ASS1: variants seen among roughly 807,000 people sequenced by gnomAD.
ASS1 encodes the protein argininosuccinate synthase.
A neutral mutation model predicts 60.5 loss-of-function variants in ASS1; 58 were observed. That is an observed-to-expected ratio of 0.96 (90% CI 0.78 to 1.19). The LOEUF (loss-of-function observed/expected upper bound fraction) is 1.19. Among genes scored for constraint, ASS1 ranks in the 50% most tolerant of loss-of-function variants. ASS1 has a pLI of 0.00. For missense variants in ASS1, 454 were observed against 547.3 expected (o/e 0.83, Z 1.70); for synonymous variants, 200 against 206.9 (o/e 0.97, Z 0.29).
intron 5 of ASS1, among the ~76,000 whole-genome samples, chr9:130,465,903 G>A (rs1305708345): frequency 6.6e-6 from 1 of 152,178 alleles, no homozygotes; most frequent in African/African-American, 2.4e-5. Context: ...GGGCCAGGGT[G>A]TCCAGTTTCG....
chr9:130,479,722 C>T lies in ASS1; in HGVS notation c.695C>T (p.Pro232Leu), dbSNP rs1564155839. 6.2e-7 allele frequency: 1 copy of T among 1,614,002 alleles called. No individual in the cohort carries two copies. The highest frequency in any genetic ancestry group is 8.5e-7 in the Non-Finnish European group (1 of 1,179,872). The change falls in exon 10 of 15, where the codon CCT (proline) becomes CTT (leucine). Residue 232 changes from proline (P) to leucine (L), a missense_variant. Physicochemically the swap from Pro to Leu is moderately conservative, Grantham distance 98. Transcript: ENST00000352480. ...CCCTCTCTTCCCACCCTAGGGGTCC[C>T]TGTGAAGGTGACCAACGTCAAGGAT... is the stretch of plus-strand genomic sequence containing the variant. Reference protein sequence around the residue: ...ILEIEFKKGVPVKVTNVKDGT... With the variant: ...ILEIEFKKGVLVKVTNVKDGT...
chr9:130,467,064 C>CTCA (rs957401284), intron 6 of ASS1, among the ~76,000 whole-genome samples: 51 of 152,186 alleles, frequency 3.4e-4, no homozygotes, highest in African/African-American at 1.2e-3. Context: ...GGACACAGGG[C>CTCA]TCACTCTCTC....
chr9:130,455,294 C>T (rs1346041409), intron 3 of ASS1, among the ~76,000 whole-genome samples: 1 of 151,900 alleles, frequency 6.6e-6, no homozygotes. Context: ...TTCACCCATC[C>T]ATCCCTTCAT....
intron 4 of ASS1, 139 bp from the exon 5 acceptor site, chr9:130,463,972 C>T (rs1007257903): frequency 1.1e-6 from 1 of 873,004 alleles, no homozygotes; most frequent in Non-Finnish European, 1.9e-6. Flanking sequence ...CATACACGAC[C>T]TACACTGCAT....
chr9:130,479,026 A>G (rs1846093651), intron 9 of ASS1, among the ~76,000 whole-genome samples: 1 of 152,126 alleles, frequency 6.6e-6, no homozygotes, highest in South Asian at 2.1e-4. Context: ...GTTAGCCCCA[A>G]TACATTTATT....
At chr9:130,466,409 A>G in intron 5 of ASS1, 1 of 450,026 alleles carries the variant, frequency 2.2e-6, no homozygotes, top group South Asian at 2.1e-5. Context: ...GGCAAGGACC[A>G]TGAACCCCGT....
intron 14 of ASS1, 46 bp from the exon 15 acceptor site, chr9:130,500,930 G>T: frequency 6.3e-7 from 1 of 1,592,914 alleles, no homozygotes. Context: ...AGTGTGTGTT[G>T]TTATTGTTAA....
chr9:130,493,834 T>A (rs1846515750), intron 12 of ASS1, among the ~76,000 whole-genome samples: 1 of 152,176 alleles, frequency 6.6e-6, no homozygotes, highest in South Asian at 2.1e-4. Context: ...GACTGGGGTC[T>A]GAGCGCTACC....
intron 5 of ASS1, chr9:130,466,511 G>A (rs1845746819): frequency 1.6e-6 from 1 of 615,452 alleles, no homozygotes; most frequent in East Asian, 2.8e-5. Context: ...TTCTGCCATG[G>A]AGTGCAGGCT....
chr9:130,497,423 G>A (rs1846632302), intron 13 of ASS1, among the ~76,000 whole-genome samples: 1 of 151,766 alleles, frequency 6.6e-6, no homozygotes, highest in Non-Finnish European at 1.5e-5. Context: ...TTATAGAGCA[G>A]GTCAGAGCCA....
intron 1 of ASS1, among the ~76,000 whole-genome samples, chr9:130,447,193 C>T (rs937668624): frequency 2.0e-5 from 3 of 152,152 alleles, no homozygotes; most frequent in Admixed American, 6.5e-5. Flanking sequence ...AAGGGGAGAT[C>T]TGAGGTCTCC....
At position 130,499,544 on chromosome 9, in the gene ASS1, C is replaced by T. The variant is rs772796860; in HGVS notation, c.1167C>T (p.Thr389=). The T allele has an allele frequency of 9.9e-6, 16 of 1,613,634 alleles. No homozygotes were observed. The highest frequency in any genetic ancestry group is 8.3e-5 in the Admixed American group (5 of 59,962). ...VQGDYEPTDA[T]GFININSLRL... ...GTGATTATGAGCCAACTGATGCCAC[C>T]GGGTTCATCAACATCAATTCCCTCA... The change falls in exon 14 of 15, where the codon ACC becomes ACT. Residue 389 remains threonine (T), a synonymous_variant. Coordinates refer to ENST00000352480, the MANE Select transcript of ASS1 (RefSeq NM_054012.4).
intron 13 of ASS1, among the ~76,000 whole-genome samples, chr9:130,495,800 T>C (rs1161015602): frequency 6.6e-6 from 1 of 151,974 alleles, no homozygotes; most frequent in African/African-American, 2.4e-5. Context: ...ATGTGACACA[T>C]ATCTAGGAGG....
At chr9:130,468,067 C>A (rs1845788398) in intron 6 of ASS1, among the ~76,000 whole-genome samples, 1 of 152,180 alleles carries the variant, frequency 6.6e-6, no homozygotes, top group African/African-American at 2.4e-5. Flanking sequence ...GGCCACCTAC[C>A]CTCTCCTGGA....
At position 130,458,701 on chromosome 9, in the gene ASS1, C is replaced by T; in HGVS notation, c.363+112C>T. Reference sequence around the variant, plus strand: ...GTGTGCCTCCGGGGCAGACTTGGTGCAAGGCAGCTACATGGCTTTGTTTAG... The same window carrying T: ...GTGTGCCTCCGGGGCAGACTTGGTGTAAGGCAGCTACATGGCTTTGTTTAG... On this transcript the variant is annotated intron_variant, in intron 4 of 14. Coordinates refer to ENST00000352480, the MANE Select transcript of ASS1 (RefSeq NM_054012.4). The T allele has an allele frequency of 2.1e-6, 3 of 1,412,250 alleles. No homozygotes were observed. The East Asian group carries it at 7.5e-5, about 35-fold the overall frequency. 87.5% of individuals were successfully genotyped at this position (1,412,250 alleles called of 1,614,324 possible). A position where few individuals can be genotyped will look rare whatever the true frequency, so the allele number is the denominator to read the frequency against.
In ASS1 at chr9:130,476,103, T is replaced by C. The variant is rs555207541; in HGVS notation, c.598-768T>C. Among the ~76,000 whole-genome samples the C allele has an allele frequency of 6.6e-6, 1 of 152,242 alleles. No individual in the cohort carries two copies. The highest frequency in any genetic ancestry group is 2.1e-4 in the South Asian group (1 of 4,826). On this transcript the variant is annotated intron_variant, in intron 8 of 14. Transcript: ENST00000352480. This position sits in a 1 kb window ranked among gnomAD's most constrained non-coding sequence, Gnocchi z 4.9. ...CAAAGATGAGACAGCAGTTCCTGGA[T>C]GTCAGCAGGTGAACAAGGACCCCAG...
At chr9:130,466,640 C>A in intron 5 of ASS1, 85 bp from the exon 6 acceptor site, 1 of 1,349,712 alleles carries the variant, frequency 7.4e-7, no homozygotes, top group Non-Finnish European at 1.1e-6. Flanking sequence ...GGGCCCCTCC[C>A]AGGAGAGGCC....
At chr9:130,493,951 C>G (rs1181397021) in intron 12 of ASS1, among the ~76,000 whole-genome samples, 1 of 152,176 alleles carries the variant, frequency 6.6e-6, no homozygotes, top group Non-Finnish European at 1.5e-5. Context: ...AGAGAAAGCT[C>G]CAAGTTTATC....
chr9:130,445,858 G>C (rs1350231902), intron 1 of ASS1, among the ~76,000 whole-genome samples: 1 of 152,148 alleles, frequency 6.6e-6, no homozygotes, highest in African/African-American at 2.4e-5. Flanking sequence ...CAGGTCTCAG[G>C]GCAGGAACAG....
Sources: gnomAD v4.1 joint callset for allele counts (sites outside exome capture counted in the v4.1 genomes callset) on GRCh38, gnomAD v4.1.1 for gene constraint, Gnocchi (gnomAD v3.1) non-coding constraint, MANE v1.5 for transcripts, NCBI Gene and HGNC (gene_info 2026-07-23, HGNC 2026-07-21) for gene names.